Variants in PDK4 observed in about 807,000 individuals in gnomAD.
PDK4 encodes the protein pyruvate dehydrogenase kinase 4, also known as pyruvate dehydrogenase kinase, isozyme 4.
PDK4 carries 43 observed loss-of-function variants against 51.7 expected under a neutral mutation model. The ratio of observed to expected loss-of-function variants is 0.83; its 90% CI spans 0.65 to 1.07. The LOEUF is 1.07. Among genes scored for constraint, PDK4 ranks in the 50% least tolerant of loss-of-function variants. The pLI is 0.00. For missense variants in PDK4, 498 were observed against 503.5 expected, an observed-to-expected ratio of 0.99 and a Z score of 0.10; for synonymous variants, 170 against 176.6, an observed-to-expected ratio of 0.96 and a Z score of 0.30.
rs888633506 is a variant in PDK4, at chr7:95,584,314, C to G, written c.*1327G>C. 1.3e-5 allele frequency: 2 copies of G among 152,050 alleles called. No individual in the cohort carries two copies. Among genetic ancestry groups the G allele is most frequent in the African/African-American group, 4.8e-5 (2 of 41,410 alleles). 9.4% of individuals were successfully genotyped at this position (152,050 alleles called of 1,614,324 possible). The stretch of plus-strand genomic sequence containing the variant: ...TAGAAAAATGCCTGCCTTCTGCTTC[C>G]CTCTCTTCCTATATCCTTTCTTTCC... On this transcript the variant is annotated 3_prime_UTR_variant, in exon 11 of 11. Transcript: ENST00000005178.
At chr7:95,595,295 T>C (rs1478009481) in intron 1 of PDK4, 131 bp from the exon 2 acceptor site, 1 of 563,426 alleles carries the variant, frequency 1.8e-6, no homozygotes, top group Non-Finnish European at 3.0e-6. Context: ...TGGGTTACTG[T>C]TAATCGATAA....
At chr7:95,594,089 T>C (rs1161123448) in intron 2 of PDK4, among the ~76,000 whole-genome samples, 2 of 152,188 alleles carry the variant, frequency 1.3e-5, no homozygotes, top group Non-Finnish European at 2.9e-5. Context: ...TTTTTAAAGC[T>C]TTTTATTTTT....
rs986958198 is a variant in PDK4, at chr7:95,585,546, G to T, written c.*95C>A. 4.6e-4 allele frequency: 479 copies of T among 1,032,162 alleles called. No individual in the cohort carries two copies. Among genetic ancestry groups the T allele is most frequent in the Middle Eastern group, 1.0e-3 (3 of 2,912 alleles). The allele number at this position is 1,032,162 out of a possible 1,614,324, so 63.9% of individuals were successfully genotyped here. On this transcript the variant is annotated 3_prime_UTR_variant, in exon 11 of 11. Coordinates refer to ENST00000005178, the MANE Select transcript of PDK4 (RefSeq NM_002612.4). The stretch of plus-strand genomic sequence containing the variant: ...TAAGGAGTTTTCGTTGCTGTCGTTT[G>T]TTTTGGAGGAAACAAGGGTTCACAC...
Position 95,587,893 on chromosome 7 carries a change from T to TA in PDK4, c.772-69dup, listed in dbSNP as rs200157695. 15 of 1,011,632 alleles carry TA rather than the reference T, an allele frequency of 1.5e-5. No individual in the cohort carries two copies. The Admixed American group carries it at 3.0e-4, about 20-fold the overall frequency. 62.7% of individuals were successfully genotyped at this position (1,011,632 alleles called of 1,614,324 possible). A position where few individuals can be genotyped will look rare whatever the true frequency, so the allele number is the denominator to read the frequency against. Reference sequence around the variant, plus strand: ...GAGGGACAATAAATGTTTTTTTTTTTATGTTTAAAATAAAAGTAGCACAGA... The same window carrying TA: ...GAGGGACAATAAATGTTTTTTTTTTTAATGTTTAAAATAAAAGTAGCACAGA... On this transcript the variant is annotated intron_variant, in intron 7 of 10. Transcript: ENST00000005178.
At chr7:95,589,808 A>G (rs1791530275) in intron 6 of PDK4, 92 bp from the exon 7 acceptor site, 1 of 760,480 alleles carries the variant, frequency 1.3e-6, no homozygotes, top group Non-Finnish European at 2.3e-6. Flanking sequence ...AGACTTCAAG[A>G]GGGTTGGCAT....
rs748080105 is a variant in PDK4, at chr7:95,596,173, G to A, written c.121C>T (p.Leu41=). ...CTGTGTCCCCTCTCACCAAAGTCCA[G>A]TAGCTGCTTCATGGACAGCGGGGAC... ...SPSPLSMKQL[L]DFGSENACER... Residue 41 remains leucine, a synonymous_variant, in exon 1 of 11, where the codon CTG becomes TTG. Transcript: ENST00000005178. 6.2e-7 allele frequency: 1 copy of A among 1,603,540 alleles called. No individual in the cohort carries two copies. The highest frequency in any genetic ancestry group is 1.1e-5 in the South Asian group (1 of 90,232).
At chr7:95,589,252 TGAGTTAG>T (rs1349448593) in intron 7 of PDK4, among the ~76,000 whole-genome samples, 1 of 152,174 alleles carries the variant, frequency 6.6e-6, no homozygotes, top group Non-Finnish European at 1.5e-5. Context: ...CCTGAACTGC[TGAGTTAG>T]GAGTAGGACC....
intron 6 of PDK4, among the ~76,000 whole-genome samples, chr7:95,590,086 C>T (rs1247990102): frequency 1.3e-5 from 2 of 152,172 alleles, no homozygotes; most frequent in East Asian, 3.9e-4. Flanking sequence ...TTTTGTATTT[C>T]TCCACAAATG....
rs1228730833 is a variant in PDK4, at chr7:95,585,665, G to T, written c.1212C>A (p.Asn404Lys). 1 of 1,609,890 alleles carries T rather than the reference G, an allele frequency of 6.2e-7. No homozygotes were observed. The highest frequency in any genetic ancestry group is 8.5e-7 in the Non-Finnish European group (1 of 1,177,040). ...DWCIPSREPK[N>K]LAKEVAM ...TTCACATGGCCACTTCTTTTGCCAG[G>T]TTCTTTGGTTCCCTGCTTGGGATAC... is the stretch of plus-strand genomic sequence containing the variant. Residue 404 changes from asparagine to lysine, a missense_variant, in exon 11 of 11, where the codon AAC (asparagine) becomes AAA (lysine). Transcript: ENST00000005178.
At chr7:95,587,970 A>C in intron 7 of PDK4, 145 bp from the exon 8 acceptor site, 1 of 626,990 alleles carries the variant, frequency 1.6e-6, no homozygotes, top group Middle Eastern at 2.8e-4. Context: ...CAGCTTTGTA[A>C]ATAGCCATTT....
At chr7:95,587,645 G>T in intron 8 of PDK4, 82 bp downstream of exon 8, 2 of 1,189,548 alleles carry the variant, frequency 1.7e-6, no homozygotes, top group East Asian at 2.4e-5. Flanking sequence ...GTTATCTATT[G>T]CAAAAAGCAG....
At chr7:95,589,982 A>C (rs138685051) in intron 6 of PDK4, among the ~76,000 whole-genome samples, 6 of 151,792 alleles carry the variant, frequency 4.0e-5, no homozygotes, top group Non-Finnish European at 8.8e-5. Flanking sequence ...TGTCCAGGCT[A>C]GTCTTAAACT....
intron 6 of PDK4, among the ~76,000 whole-genome samples, chr7:95,591,433 C>G (rs1791551068): frequency 6.6e-6 from 1 of 152,188 alleles, no homozygotes; most frequent in East Asian, 1.9e-4. Flanking sequence ...TGTTGCATAA[C>G]TGAAACTTCG....
rs1791494269 is a variant in PDK4, at chr7:95,587,183, G to A, written c.982-60C>T. 12 of 1,007,576 alleles carry A rather than the reference G, an allele frequency of 1.2e-5. No homozygotes were observed. The South Asian group carries it at 1.6e-4, about 13-fold the overall frequency. The allele number at this position is 1,007,576 out of a possible 1,614,324, so 62.4% of individuals were successfully genotyped here. ...TATGTGATCACTGAAATACAAACAAGCAGGAAATTACTGTCCTCACTGATA... is the reference window on the plus strand; with the variant it reads ...TATGTGATCACTGAAATACAAACAAACAGGAAATTACTGTCCTCACTGATA... On this transcript the variant is annotated intron_variant, in intron 9 of 10. Transcript: ENST00000005178.
chr7:95,586,194 G>GTTTTT (rs11377701), intron 10 of PDK4, among the ~76,000 whole-genome samples: 39,284 of 120,142 alleles, frequency 0.33, 7,077 homozygotes, highest in East Asian at 0.76. Context: ...ATGCACCAAG[G>GTTTTT]TTTTTTTTTT....
chr7:95,592,690 C>T, intron 4 of PDK4, 70 bp downstream of exon 4: 1 of 1,368,218 alleles, frequency 7.3e-7, no homozygotes, highest in East Asian at 2.3e-5. Flanking sequence ...ATTAGTGAGA[C>T]ATCTAGTTAT....
chr7:95,588,368 G>C (rs1267790555), intron 7 of PDK4, among the ~76,000 whole-genome samples: 1 of 152,198 alleles, frequency 6.6e-6, no homozygotes, highest in Non-Finnish European at 1.5e-5. Context: ...TCTATGAGTT[G>C]TATCATTCAA....
At chr7:95,593,629 A>G in intron 3 of PDK4, 70 bp downstream of exon 3, 2 of 782,500 alleles carry the variant, frequency 2.6e-6, no homozygotes. Context: ...ATTTAGGTCT[A>G]AAAATATCTT....
Position 95,587,546 on chromosome 7 carries a change from G to C in PDK4, c.871-18C>G. On this transcript the variant is annotated intron_variant, in intron 8 of 10. Transcript: ENST00000005178. The stretch of plus-strand genomic sequence containing the variant: ...TCTGAAATCTAAAACAAACAAACAA[G>C]TCATCAAAGCCACACATTAAAAACA... The C allele has an allele frequency of 6.8e-7, 1 of 1,474,648 alleles. No homozygotes were observed. 91.3% of individuals were successfully genotyped at this position (1,474,648 alleles called of 1,614,324 possible).
Sources: allele counts gnomAD v4.1 joint callset (sites outside exome capture counted in the v4.1 genomes callset), GRCh38; gene constraint gnomAD v4.1.1; transcripts MANE v1.5; gene names NCBI Gene and HGNC (gene_info 2026-07-23, HGNC 2026-07-21).